VAV3: variants seen among roughly 807,000 people sequenced by gnomAD.
VAV3 encodes the protein guanine nucleotide exchange factor VAV3.
In VAV3, 94 loss-of-function variants were observed where a neutral mutation model predicts 131.2. The ratio of observed to expected loss-of-function variants is 0.72; its 90% CI spans 0.61 to 0.85. The LOEUF is 0.85. Ranked by LOEUF, VAV3 falls within the 40% of genes least tolerant of loss-of-function variation. The probability of loss-of-function intolerance (pLI) is 0.00; values close to 1 mark genes in which losing one functional copy is unlikely to be tolerated. For synonymous variants in VAV3, 349 were observed against 342.0 expected (o/e 1.02, Z -0.22); for missense variants, 939 against 1,002.7 (o/e 0.94, Z 0.86).
intron 19 of VAV3, among the ~76,000 whole-genome samples, chr1:107,677,667 A>G (rs547808175): frequency 2.0e-5 from 3 of 152,334 alleles, no homozygotes; most frequent in African/African-American, 7.2e-5. Flanking sequence ...AAACATAACT[A>G]CTACAATAAT....
rs1481709637 is a variant in VAV3 at position 107,672,368 on chromosome 1, G to T, written c.1777+11120C>A. ...TAATGTACATTTGGAATTAGTCACA[G>T]AATTAAAATCTATTCCTTAAATAAA... On this transcript the variant is annotated intron_variant, in intron 19 of 26. Transcript: ENST00000370056. 3 of 149,308 alleles carry T rather than the reference G, an allele frequency of 2.0e-5. No homozygotes were observed. In the South Asian group the frequency reaches 6.4e-4, roughly 32 times the overall value. The allele number at this position is 149,308 out of a possible 1,614,324, so 9.2% of individuals were successfully genotyped here.
At chr1:107,657,097 G>A (rs1179107527) in intron 19 of VAV3, among the ~76,000 whole-genome samples, 2 of 151,768 alleles carry the variant, frequency 1.3e-5, no homozygotes, top group Non-Finnish European at 2.9e-5. Context: ...TGGGATTACG[G>A]GCATGCACCA....
At chr1:107,929,707 T>C (rs184003765) in intron 1 of VAV3, among the ~76,000 whole-genome samples, 87 of 152,296 alleles carry the variant, frequency 5.7e-4, no homozygotes, top group African/African-American at 1.8e-3. Flanking sequence ...TGTAGAAATT[T>C]ATTAGTTTTC....
At chr1:107,858,315 TTCTTC>T (rs1273038233) in intron 2 of VAV3, among the ~76,000 whole-genome samples, 5 of 152,214 alleles carry the variant, frequency 3.3e-5, no homozygotes, top group Admixed American at 6.6e-5. Context: ...TAAAAACAGT[TTCTTC>T]TCTTCTAAAC....
intron 1 of VAV3, among the ~76,000 whole-genome samples, chr1:107,953,121 C>T (rs1398887019): frequency 6.6e-6 from 1 of 152,174 alleles, no homozygotes; most frequent in African/African-American, 2.4e-5. Flanking sequence ...GAACGGGAAA[C>T]TTCACCGAAT....
chr1:107,579,431 T>C (rs1570550145), intron 25 of VAV3, among the ~76,000 whole-genome samples: 2 of 152,218 alleles, frequency 1.3e-5, no homozygotes. Context: ...GTCCCATGTT[T>C]CCCCCCTGCA....
chr1:107,749,755 T>C (rs1024683337), intron 13 of VAV3, among the ~76,000 whole-genome samples, 161 bp from the exon 14 acceptor site: 2 of 152,178 alleles, frequency 1.3e-5, no homozygotes, highest in African/African-American at 4.8e-5. Context: ...ATAAGAACTG[T>C]GTGTGGAATT....
chr1:107,950,860 G>A (rs1483611798), intron 1 of VAV3, among the ~76,000 whole-genome samples: 1 of 152,138 alleles, frequency 6.6e-6, no homozygotes, highest in Non-Finnish European at 1.5e-5. Context: ...GTGAGGGAGG[G>A]AGAAGTAGCA....
At chr1:107,719,115 C>T (rs955984696) in intron 15 of VAV3, among the ~76,000 whole-genome samples, 4 of 152,160 alleles carry the variant, frequency 2.6e-5, no homozygotes, top group Non-Finnish European at 5.9e-5. Context: ...TAGAAGAAAA[C>T]CTAGGCAATA....
At chr1:107,791,231 T>C (rs1192206188) in intron 2 of VAV3, among the ~76,000 whole-genome samples, 1 of 151,338 alleles carries the variant, frequency 6.6e-6, no homozygotes, top group Non-Finnish European at 1.5e-5. Flanking sequence ...AGATTGCCAA[T>C]AGCCTTGTGT....
chr1:107,704,826 A>G, intron 16 of VAV3, 134 bp downstream of exon 16: 1 of 1,066,706 alleles, frequency 9.4e-7, no homozygotes, highest in South Asian at 1.5e-5. Flanking sequence ...AGCCTGGCAA[A>G]GGTTTGTGGG....
rs1409687965 is a variant in VAV3, at chr1:107,687,935, A to T, written c.1731+446T>A. 5.3e-5 allele frequency among the ~76,000 whole-genome samples: 8 copies of T among 152,336 alleles called. No homozygotes were observed. The East Asian group carries it at 1.5e-3, about 29-fold the overall frequency. On this transcript the variant is annotated intron_variant, in intron 18 of 26. Transcript: ENST00000370056. ...TGATCAATAGGATGTGATAATCATC[A>T]TCTTTCTGCTCTAATGGAAAAGTAC...
At position 107,573,370 on chromosome 1, in the gene VAV3, C is replaced by T; in HGVS notation, c.2505G>A (p.Val835=). The T allele has an allele frequency of 6.2e-7, 1 of 1,613,900 alleles. No homozygotes were observed. Among genetic ancestry groups the T allele is most frequent in the Non-Finnish European group, 8.5e-7 (1 of 1,179,944 alleles). The change falls in exon 27 of 27, where the codon GTG becomes GTA. Residue 835 remains valine (V), a splice_region_variant and synonymous_variant. Coordinates refer to ENST00000370056, the MANE Select transcript of VAV3 (RefSeq NM_006113.5). The stretch of plus-strand genomic sequence containing the variant: ...CCACATATGTGGATGGAAACCAGCC[C>T]ACCTAAAAAAGAAAAGCAACCAACA... ...GWWRGEVNGR[V]GWFPSTYVEE...
chr1:107,842,389 C>G (rs1214147949), intron 2 of VAV3, among the ~76,000 whole-genome samples: 1 of 152,196 alleles, frequency 6.6e-6, no homozygotes, highest in African/African-American at 2.4e-5. Context: ...AACTGCAGTC[C>G]TTCCCACTGA....
chr1:107,634,538 A>T (rs1270168159), intron 20 of VAV3, among the ~76,000 whole-genome samples: 2 of 152,150 alleles, frequency 1.3e-5, no homozygotes, highest in South Asian at 2.1e-4. Context: ...AACCTAGGCA[A>T]TACCATTCAG....
intron 25 of VAV3, among the ~76,000 whole-genome samples, chr1:107,594,558 T>C (rs1391869592): frequency 6.6e-6 from 1 of 152,104 alleles, no homozygotes. Flanking sequence ...GGGGCTAGCA[T>C]GGATATTCAA....
At chr1:107,887,423 C>A (rs923255370) in intron 1 of VAV3, among the ~76,000 whole-genome samples, 1 of 152,174 alleles carries the variant, frequency 6.6e-6, no homozygotes, top group Non-Finnish European at 1.5e-5. Context: ...TCAAATATCA[C>A]AAGAATTATT....
At chr1:107,642,013 T>C (rs1227936007) in intron 20 of VAV3, among the ~76,000 whole-genome samples, 1 of 152,168 alleles carries the variant, frequency 6.6e-6, no homozygotes, top group Non-Finnish European at 1.5e-5. Context: ...ACAAGAGTCA[T>C]TTTTCTTTAA....
chr1:107,772,912 A>T, intron 4 of VAV3, 69 bp from the exon 5 acceptor site: 1 of 1,302,038 alleles, frequency 7.7e-7, no homozygotes, highest in South Asian at 1.3e-5. Context: ...CAAATAGCCT[A>T]CTGGATTTTA....
Sources: allele counts gnomAD v4.1 joint callset (sites outside exome capture counted in the v4.1 genomes callset), GRCh38; gene constraint gnomAD v4.1.1; transcripts MANE v1.5; gene names NCBI Gene and HGNC (gene_info 2026-07-23, HGNC 2026-07-21).